The following SANBR variants were observed in gnomAD, a reference collection of about 807,000 sequenced individuals.
The protein encoded by SANBR is SANT and BTB domain regulator of CSR.
SANBR carries 77 observed loss-of-function variants against 101.8 expected under a neutral mutation model. The observed-to-expected ratio is 0.76, with a 90% CI of 0.63 to 0.91. The LOEUF (loss-of-function observed/expected upper bound fraction) is 0.91, where lower values mean the gene tolerates loss of function less well. Ranked by LOEUF, SANBR falls within the 40% of genes least tolerant of loss-of-function variation. The pLI, the probability that SANBR is intolerant of heterozygous loss-of-function variation, is 0.00. For synonymous variants in SANBR, 279 were observed against 274.7 expected, an observed-to-expected ratio of 1.02 and a Z score of -0.15; for missense variants, 875 against 853.0, an observed-to-expected ratio of 1.03 and a Z score of -0.32.
chr2:61,120,781 G>A (rs1477047213), intron 20 of SANBR, among the ~76,000 whole-genome samples: 1 of 152,166 alleles, frequency 6.6e-6, no homozygotes, highest in African/African-American at 2.4e-5. Context: ...TCTCCTATAT[G>A]TGAAAGAAGC....
In SANBR at chr2:61,088,437, C is replaced by T. The variant is rs1430130819; in HGVS notation, c.1057C>T (p.Arg353Ter). 6.2e-7 allele frequency: 1 copy of T among 1,606,592 alleles called. No individual in the cohort carries two copies. The highest frequency in any genetic ancestry group is 8.5e-7 in the Non-Finnish European group (1 of 1,176,628). The part of the protein sequence containing the change: ...PCIPGKINVD[R>*]RGNIVYIHIR... ...CATTCCTGGAAAAATCAATGTGGAT[C>T]GACGTGGAAATATTGTCTATATTCA... The change falls in exon 10 of 22, where the codon CGA becomes TGA. Residue 353 changes from arginine to a stop codon, truncating the protein, a stop_gained. Coordinates refer to ENST00000402291, the MANE Select transcript of SANBR (RefSeq NM_001129993.3). LOFTEE classifies it high-confidence loss of function.
At chr2:61,087,758 G>A (rs1027841820) in intron 8 of SANBR, among the ~76,000 whole-genome samples, 2 of 151,970 alleles carry the variant, frequency 1.3e-5, no homozygotes, top group African/African-American at 4.8e-5. Context: ...TGCTCAGGCA[G>A]GATAATCGCT....
intron 16 of SANBR, among the ~76,000 whole-genome samples, chr2:61,109,673 T>G (rs1324068328): frequency 6.7e-6 from 1 of 149,288 alleles, no homozygotes; most frequent in Non-Finnish European, 1.5e-5. Flanking sequence ...CATGTTTTTT[T>G]TGTGTTTGTT....
intron 21 of SANBR, chr2:61,134,334 TAA>T: frequency 6.7e-7 from 1 of 1,487,198 alleles, no homozygotes; most frequent in Non-Finnish European, 9.1e-7. Context: ...CTTTTAGAAA[TAA>T]CTGTATTGTG....
At chr2:61,066,186 AGCCGG>A in intron 1 of SANBR, 159 bp downstream of exon 1, 1 of 152,588 alleles carries the variant, frequency 6.6e-6, no homozygotes, top group East Asian at 1.9e-4. Flanking sequence ...GCACAGCCTC[AGCCGG>A]CCGCGCCTCG....
rs370392486 is a variant in SANBR, at chr2:61,117,526, C to G, written c.1925C>G (p.Ala642Gly). The G allele has an allele frequency of 6.2e-7, 1 of 1,612,756 alleles. No homozygotes were observed. The highest frequency in any genetic ancestry group is 1.3e-5 in the African/African-American group (1 of 74,998). ...AGATCCTTGAGATTCAACCAGGATG[C>G]ACAAAGAGAAGACGGTAAATTTTAT... The part of the protein sequence containing the change: ...ATRSLRFNQD[A>G]QREDDQRRMT... The change falls in exon 19 of 22, where the codon GCA becomes GGA. Residue 642 changes from alanine (A) to glycine (G), a missense_variant. Coordinates refer to ENST00000402291, the MANE Select transcript of SANBR (RefSeq NM_001129993.3).
intron 20 of SANBR, among the ~76,000 whole-genome samples, chr2:61,132,123 TAGATA>T (rs1373577199): frequency 8.0e-6 from 1 of 124,598 alleles, no homozygotes; most frequent in Non-Finnish European, 1.8e-5. Flanking sequence ...CAAGGATTCT[TAGATA>T]AGACAATAAA....
At chr2:61,115,817 A>C (rs906825255) in intron 16 of SANBR, 162 bp from the exon 17 acceptor site, 2 of 501,614 alleles carry the variant, frequency 4.0e-6, no homozygotes, top group Admixed American at 7.7e-5. Flanking sequence ...CTGTAAAGCA[A>C]TTTCAGCTTT....
chr2:61,128,213 A>T (rs1684572218), downstream of SANBR, among the ~76,000 whole-genome samples: 2 of 151,364 alleles, frequency 1.3e-5, no homozygotes, highest in South Asian at 4.2e-4. Flanking sequence ...TGGAGGTTGC[A>T]GTGAGCTGAG....
At chr2:61,113,987 T>G (rs146286443) in intron 16 of SANBR, among the ~76,000 whole-genome samples, 2,137 of 152,356 alleles carry the variant, frequency 0.014, 68 homozygotes, top group Admixed American at 0.075. Flanking sequence ...CTCCATCTAT[T>G]GAGAAGATCA....
intron 21 of SANBR, among the ~76,000 whole-genome samples, chr2:61,134,874 C>T (rs1358366128): frequency 6.6e-6 from 1 of 151,904 alleles, no homozygotes; most frequent in African/African-American, 2.4e-5. Flanking sequence ...AGCCTTGCAA[C>T]AGAGCGAGAC....
chr2:61,106,195 C>T (rs148379738), intron 13 of SANBR, among the ~76,000 whole-genome samples: 35 of 151,970 alleles, frequency 2.3e-4, no homozygotes, highest in African/African-American at 8.2e-4. Context: ...AGTTCAGGAC[C>T]AGCCTGGCCA....
rs1315859729 is a variant in SANBR at position 61,097,770 on chromosome 2, G to C, written c.1283G>C (p.Ser428Thr). The C allele has an allele frequency of 6.2e-7, 1 of 1,612,770 alleles. No homozygotes were observed. Among genetic ancestry groups the C allele is most frequent in the East Asian group, 2.2e-5 (1 of 44,816 alleles). ...ACAGTGGTTTATCCTACTGCAGCAA[G>C]TTCATTGAATACTGTTGGCACTGGA... Reference protein sequence around the residue: ...SETVVYPTAASSLNTVGTGIY... With the variant: ...SETVVYPTAATSLNTVGTGIY... Residue 428 changes from serine (S) to threonine (T), a missense_variant, in exon 12 of 22, where the codon AGT (serine) becomes ACT (threonine). Ser to Thr is a moderately conservative substitution (Grantham distance 58). Transcript: ENST00000402291.
At chr2:61,070,680 T>G (rs1327850188) in intron 3 of SANBR, among the ~76,000 whole-genome samples, 180 bp downstream of exon 3, 1 of 140,730 alleles carries the variant, frequency 7.1e-6, no homozygotes, top group Non-Finnish European at 1.5e-5. Context: ...ATATATTATA[T>G]ATAGTATATA....
At chr2:61,135,138 T>C (rs183336531) in intron 21 of SANBR, among the ~76,000 whole-genome samples, 65 of 152,298 alleles carry the variant, frequency 4.3e-4, no homozygotes, top group African/African-American at 1.3e-3. Flanking sequence ...TTGCAGACTT[T>C]AGTTCATTTT....
At chr2:61,115,511 T>G (rs951820871) in intron 16 of SANBR, among the ~76,000 whole-genome samples, 1 of 152,098 alleles carries the variant, frequency 6.6e-6, no homozygotes, top group Non-Finnish European at 1.5e-5. Flanking sequence ...TTTTGTACTT[T>G]TAGTATAAAT....
chr2:61,075,841 TA>T (rs996337426), intron 5 of SANBR, among the ~76,000 whole-genome samples: 21 of 151,968 alleles, frequency 1.4e-4, no homozygotes, highest in African/African-American at 5.1e-4. Context: ...TTTTCCTTTT[TA>T]AAAAAATCTG....
At chr2:61,097,612 G>T (rs1232878683) in intron 11 of SANBR, 88 bp from the exon 12 acceptor site, 4 of 1,004,542 alleles carry the variant, frequency 4.0e-6, no homozygotes, top group East Asian at 2.5e-5. Flanking sequence ...ATATAAAAAT[G>T]GAACATATAA....
At chr2:61,119,684 A>G (rs1484644776) in intron 20 of SANBR, among the ~76,000 whole-genome samples, 1 of 152,200 alleles carries the variant, frequency 6.6e-6, no homozygotes. Flanking sequence ...GAGGCCGGAT[A>G]CAGTGGCTCA....
Sources: allele counts gnomAD v4.1 joint callset (sites outside exome capture counted in the v4.1 genomes callset), GRCh38; gene constraint gnomAD v4.1.1; transcripts MANE v1.5; gene names NCBI Gene and HGNC (gene_info 2026-07-23, HGNC 2026-07-21).